Variants in APPBP2 observed in about 807,000 individuals in gnomAD.
The protein encoded by APPBP2 is amyloid beta precursor protein binding protein 2.
A neutral mutation model predicts 76.0 loss-of-function variants in APPBP2; 15 were observed. The observed-to-expected ratio is 0.20, with a 90% CI of 0.13 to 0.30. The LOEUF (loss-of-function observed/expected upper bound fraction) is 0.30, where lower values mean the gene tolerates loss of function less well. APPBP2 is among the 10% of genes least tolerant of loss of function. APPBP2 has a pLI of 1.00. For synonymous variants in APPBP2, 222 were observed against 242.2 expected, an observed-to-expected ratio of 0.92 and a Z score of 0.77; for missense variants, 401 against 687.2, an observed-to-expected ratio of 0.58 and a Z score of 4.66.
At chr17:60,461,784 GA>G in intron 8 of APPBP2, 25 bp downstream of exon 8, 6 of 1,534,206 alleles carry the variant, frequency 3.9e-6, no homozygotes, top group South Asian at 1.2e-5. Flanking sequence ...CAGGTTGAAA[GA>G]AAAAAAGGGT....
chr17:60,479,906 A>T (rs184704892), intron 3 of APPBP2, among the ~76,000 whole-genome samples: 36 of 152,308 alleles, frequency 2.4e-4, no homozygotes, highest in Non-Finnish European at 3.4e-4. Context: ...CTTCGACTTA[A>T]ATAACTGCCC....
At chr17:60,525,033 G>C (rs1362597945) in intron 1 of APPBP2, among the ~76,000 whole-genome samples, 1 of 152,168 alleles carries the variant, frequency 6.6e-6, no homozygotes, top group Non-Finnish European at 1.5e-5. Flanking sequence ...TGGGAGACTT[G>C]CTGTTCAGAT....
intron 1 of APPBP2, among the ~76,000 whole-genome samples, chr17:60,517,142 A>AT (rs1015650906): frequency 5.9e-5 from 9 of 151,994 alleles, no homozygotes; most frequent in East Asian, 1.9e-4. Flanking sequence ...TGCCTGGCTA[A>AT]TTTTTTTTAT....
At chr17:60,508,836 T>C (rs1269502020) in intron 1 of APPBP2, among the ~76,000 whole-genome samples, 2 of 151,982 alleles carry the variant, frequency 1.3e-5, no homozygotes, top group African/African-American at 4.8e-5. Context: ...GACAGACAAA[T>C]GCAAAAACAC....
chr17:60,475,648 T>TACAC (rs72415327), intron 4 of APPBP2, among the ~76,000 whole-genome samples: 14,080 of 129,042 alleles, frequency 0.11, 831 homozygotes, highest in African/African-American at 0.12. Flanking sequence ...CAACTCTTTA[T>TACAC]ACACACACAC....
At chr17:60,513,532 G>A (rs2143488650) in intron 1 of APPBP2, 3 of 510,972 alleles carry the variant, frequency 5.9e-6, no homozygotes, top group Middle Eastern at 1.0e-3. Flanking sequence ...AAATATGGTT[G>A]TCAAGATAGA....
At chr17:60,460,262 G>C (rs934803973) in intron 9 of APPBP2, 1 of 155,916 alleles carries the variant, frequency 6.4e-6, no homozygotes, top group African/African-American at 2.4e-5. Flanking sequence ...GCAGTGGTGT[G>C]AATATGCTTC....
intron 2 of APPBP2, among the ~76,000 whole-genome samples, 195 bp from the exon 3 acceptor site, chr17:60,494,812 T>C (rs2090760530): frequency 6.6e-6 from 1 of 152,118 alleles, no homozygotes; most frequent in South Asian, 2.1e-4. Flanking sequence ...GATAACTGAG[T>C]GATCCTACAA....
At chr17:60,485,325 C>T (rs183796139) in intron 3 of APPBP2, among the ~76,000 whole-genome samples, 30 of 152,286 alleles carry the variant, frequency 2.0e-4, no homozygotes, top group African/African-American at 7.2e-4. Context: ...GTGAATCAGT[C>T]TGGTCCTAGA....
Position 60,466,311 on chromosome 17 carries a change from C to T in APPBP2, c.652G>A (p.Ala218Thr), listed in dbSNP as rs1426430726. Residue 218 changes from alanine (A) to threonine (T), a missense_variant, in exon 5 of 13, where the codon GCA becomes ACA. By Grantham distance (58) the Ala-to-Thr change is moderately conservative. Transcript: ENST00000083182. Reference protein sequence around the residue: ...LYGELCALLFAKSHYDEAYKW... With the variant: ...LYGELCALLFTKSHYDEAYKW... ...CTTACCTCATCATAGTGACTTTTTG[C>T]AAATAGGAGTGCACACAGTTCTCCA... The T allele has an allele frequency of 1.2e-6, 2 of 1,612,922 alleles. No homozygotes were observed. The highest frequency in any genetic ancestry group is 1.7e-6 in the Non-Finnish European group (2 of 1,179,634).
Position 60,525,813 on chromosome 17 carries a change from T to TGGATGTTCTCGGGCAAGGAGC in APPBP2, c.98_118dup (p.Arg33_Ile39dup), listed in dbSNP as rs1464668587. On this transcript the variant is annotated inframe_insertion, in exon 1 of 13. Coordinates refer to ENST00000083182, the MANE Select transcript of APPBP2 (RefSeq NM_006380.5). ...GCATACCTTGTAGTAAACATCAAAC[T>TGGATGTTCTCGGGCAAGGAGC]GGATGTTCTCGGGCAAGGAGCGGAT... 24 of 1,610,908 alleles carry TGGATGTTCTCGGGCAAGGAGC rather than the reference T, an allele frequency of 1.5e-5. No homozygotes were observed. Among genetic ancestry groups the TGGATGTTCTCGGGCAAGGAGC allele is most frequent in the Non-Finnish European group, 2.0e-5 (23 of 1,179,384 alleles).
chr17:60,490,394 A>C (rs1034387604), intron 3 of APPBP2, among the ~76,000 whole-genome samples: 2 of 152,158 alleles, frequency 1.3e-5, no homozygotes, highest in Non-Finnish European at 2.9e-5. Flanking sequence ...TGTTTAATAG[A>C]GAAAAAAGAG....
intron 3 of APPBP2, among the ~76,000 whole-genome samples, chr17:60,492,890 G>A (rs1345013670): frequency 1.3e-5 from 2 of 152,148 alleles, no homozygotes; most frequent in Non-Finnish European, 2.9e-5. Context: ...TGAGATTTGC[G>A]AGGGGCCAGG....
At chr17:60,517,452 A>G (rs2090972020) in intron 1 of APPBP2, among the ~76,000 whole-genome samples, 2 of 152,122 alleles carry the variant, frequency 1.3e-5, no homozygotes, top group Admixed American at 1.3e-4. Flanking sequence ...CACTTCCTTT[A>G]TATTTAACCA....
In APPBP2 at chr17:60,519,437, C is replaced by T. The variant is rs985750422; in HGVS notation, c.138+6357G>A. Among the ~76,000 whole-genome samples, 10 of 151,836 alleles carry T rather than the reference C, an allele frequency of 6.6e-5. No homozygotes were observed. The East Asian group carries it at 1.7e-3, about 26-fold the overall frequency. ...CTTGGGCAACAAAGTGAGATACGGT[C>T]GGTCTCTACAAAAAAAAAATTTTTA... On this transcript the variant is annotated intron_variant, in intron 1 of 12. Transcript: ENST00000083182.
At chr17:60,493,579 C>T (rs2090748478) in intron 3 of APPBP2, among the ~76,000 whole-genome samples, 1 of 151,586 alleles carries the variant, frequency 6.6e-6, no homozygotes, top group African/African-American at 2.4e-5. Flanking sequence ...AGTGATCCTG[C>T]CACCTCAGCC....
chr17:60,446,875 T>C lies in APPBP2; in HGVS notation c.*706A>G, dbSNP rs900028922. 1 of 152,288 alleles carries C rather than the reference T, an allele frequency of 6.6e-6. No homozygotes were observed. Among genetic ancestry groups the C allele is most frequent in the Non-Finnish European group, 1.5e-5 (1 of 68,034 alleles). 9.4% of individuals were successfully genotyped at this position (152,288 alleles called of 1,614,324 possible). On this transcript the variant is annotated 3_prime_UTR_variant, in exon 13 of 13. Coordinates refer to ENST00000083182, the MANE Select transcript of APPBP2 (RefSeq NM_006380.5). ...TAGGCTGGTCCTTTTTAGATCCTCC[T>C]GGTCCTGTTAGCAAATGCTATCAGA...
At chr17:60,450,581 C>G (rs1332706485) in intron 12 of APPBP2, among the ~76,000 whole-genome samples, 1 of 151,308 alleles carries the variant, frequency 6.6e-6, no homozygotes, top group Non-Finnish European at 1.5e-5. Context: ...TCAGCCTGGG[C>G]CAAGATTGTG....
intron 1 of APPBP2, among the ~76,000 whole-genome samples, chr17:60,511,563 G>A (rs1362006327): frequency 1.4e-5 from 2 of 144,570 alleles, no homozygotes; most frequent in African/African-American, 5.3e-5. Context: ...CCAGCCTGGC[G>A]ACAGAGCAAG....
Sources: gnomAD v4.1 joint callset for allele counts (sites outside exome capture counted in the v4.1 genomes callset) on GRCh38, gnomAD v4.1.1 for gene constraint, MANE v1.5 for transcripts, NCBI Gene and HGNC (gene_info 2026-07-23, HGNC 2026-07-21) for gene names.